The following JAZF1 variants were observed in gnomAD, a reference collection of about 807,000 sequenced individuals.
The protein encoded by JAZF1 is JAZF zinc finger 1.
In JAZF1, 8 loss-of-function variants were observed where a neutral mutation model predicts 26.4. That is an observed-to-expected ratio of 0.30 (90% CI 0.18 to 0.55). JAZF1 has a LOEUF of 0.55. Ranked by LOEUF, JAZF1 falls within the 20% of genes least tolerant of loss-of-function variation. JAZF1 has a pLI of 0.94. For missense variants in JAZF1, 199 were observed against 322.0 expected (o/e 0.62, Z 2.92); for synonymous variants, 126 against 122.3 (o/e 1.03, Z -0.20).
chr7:27,994,462 C>CAA (rs58536495), intron 1 of JAZF1, among the ~76,000 whole-genome samples: 10 of 67,658 alleles, frequency 1.5e-4, no homozygotes, highest in Non-Finnish European at 3.8e-4. Flanking sequence ...AAACAAAAAA[C>CAA]AAAAAAAAAC....
At chr7:28,027,819 AG>A (rs1404911613) in intron 1 of JAZF1, among the ~76,000 whole-genome samples, 1 of 152,228 alleles carries the variant, frequency 6.6e-6, no homozygotes, top group African/African-American at 2.4e-5. Context: ...ACCATCAAAA[AG>A]TAGCTGTGGA....
chr7:28,051,755 A>G (rs189293204), intron 1 of JAZF1, among the ~76,000 whole-genome samples: 16 of 152,352 alleles, frequency 1.1e-4, no homozygotes, highest in Non-Finnish European at 4.4e-5. Context: ...AGTGCTATAA[A>G]TAACACAGTC....
chr7:28,073,773 C>T (rs551075195), intron 1 of JAZF1, among the ~76,000 whole-genome samples: 1 of 152,186 alleles, frequency 6.6e-6, no homozygotes, highest in Admixed American at 6.5e-5. Context: ...ATGCAGAAGT[C>T]CCTGGATGTG....
intron 2 of JAZF1, among the ~76,000 whole-genome samples, chr7:27,981,374 G>A (rs2128362192): frequency 6.6e-6 from 1 of 152,282 alleles, no homozygotes; most frequent in African/African-American, 2.4e-5. Flanking sequence ...ACAAGTTATT[G>A]TCAATAAAAG....
intron 2 of JAZF1, among the ~76,000 whole-genome samples, chr7:27,972,787 T>C (rs1469361437): frequency 6.6e-6 from 1 of 152,030 alleles, no homozygotes; most frequent in Non-Finnish European, 1.5e-5. Flanking sequence ...TCTATCTCTA[T>C]TGACCTGGAA....
At chr7:28,147,224 A>C (rs1225746687) in intron 1 of JAZF1, among the ~76,000 whole-genome samples, 2 of 152,046 alleles carry the variant, frequency 1.3e-5, no homozygotes, top group African/African-American at 4.8e-5. Context: ...GAAAACCCAA[A>C]ATCCAAAATG....
intron 2 of JAZF1, among the ~76,000 whole-genome samples, chr7:27,906,408 A>T (rs1784259584): frequency 1.3e-5 from 2 of 152,216 alleles, no homozygotes; most frequent in South Asian, 4.1e-4. Flanking sequence ...TTGGCACTCA[A>T]ATGAAATCCA....
At chr7:27,851,502 A>C (rs568282911) in intron 3 of JAZF1, among the ~76,000 whole-genome samples, 15 of 152,080 alleles carry the variant, frequency 9.9e-5, no homozygotes, top group Admixed American at 2.0e-4. Context: ...AAAATTAAAA[A>C]ATTAGCTGGG....
chr7:28,043,300 C>T (rs1014559147), intron 1 of JAZF1, among the ~76,000 whole-genome samples: 4 of 152,160 alleles, frequency 2.6e-5, no homozygotes, highest in African/African-American at 9.7e-5. Context: ...TGCAAGAATG[C>T]CAACTGTTGT....
chr7:27,980,008 T>C (rs1244375562), intron 2 of JAZF1, among the ~76,000 whole-genome samples: 1 of 152,226 alleles, frequency 6.6e-6, no homozygotes, highest in Middle Eastern at 3.2e-3. Context: ...ATCTAGGACA[T>C]GGCAATTATT....
chr7:28,173,984 T>C (rs537494448), intron 1 of JAZF1, among the ~76,000 whole-genome samples: 1 of 151,596 alleles, frequency 6.6e-6, no homozygotes, highest in East Asian at 1.9e-4. Flanking sequence ...ATTAAATATA[T>C]TAAATGGAAG....
chr7:27,876,483 C>T (rs1783682879), intron 3 of JAZF1, among the ~76,000 whole-genome samples: 1 of 152,114 alleles, frequency 6.6e-6, no homozygotes, highest in African/African-American at 2.4e-5. Flanking sequence ...CCATTAACAC[C>T]ACCGTTATCA....
chr7:28,172,612 T>C (rs1053425722), intron 1 of JAZF1, among the ~76,000 whole-genome samples: 2 of 152,156 alleles, frequency 1.3e-5, no homozygotes, highest in African/African-American at 4.8e-5. Context: ...AAGAACTGAA[T>C]CCTCCACGTA....
intron 2 of JAZF1, among the ~76,000 whole-genome samples, chr7:27,933,780 G>C (rs1461374239): frequency 1.3e-5 from 2 of 152,116 alleles, no homozygotes; most frequent in Non-Finnish European, 2.9e-5. Flanking sequence ...CTGAGTTCTG[G>C]CAAGCTTGGC....
At chr7:27,865,003 T>C (rs1343711335) in intron 3 of JAZF1, among the ~76,000 whole-genome samples, 2 of 152,112 alleles carry the variant, frequency 1.3e-5, no homozygotes, top group Non-Finnish European at 2.9e-5. Flanking sequence ...GAGTAGGTTG[T>C]GAGATCAATT....
chr7:28,047,615 T>C (rs1244061645), intron 1 of JAZF1, among the ~76,000 whole-genome samples: 1 of 152,160 alleles, frequency 6.6e-6, no homozygotes, highest in African/African-American at 2.4e-5. Context: ...ACTATATATA[T>C]GGTTACTGAT....
At chr7:27,913,058 G>C (rs1583460831) in intron 2 of JAZF1, among the ~76,000 whole-genome samples, 1 of 151,990 alleles carries the variant, frequency 6.6e-6, no homozygotes, top group Non-Finnish European at 1.5e-5. Context: ...GGATATCTGG[G>C]AGCTACTTAG....
At chr7:28,133,501 T>C (rs1376487017) in intron 1 of JAZF1, among the ~76,000 whole-genome samples, 1 of 152,176 alleles carries the variant, frequency 6.6e-6, no homozygotes, top group Non-Finnish European at 1.5e-5. Flanking sequence ...ACAAATGTTC[T>C]TTTCTCTTCT....
intron 3 of JAZF1, among the ~76,000 whole-genome samples, chr7:27,858,013 A>C (rs1783303373): frequency 6.6e-6 from 1 of 152,234 alleles, no homozygotes; most frequent in Non-Finnish European, 1.5e-5. Context: ...GTCTCGGCCC[A>C]AAATCTCCTT....
Sources: allele counts gnomAD v4.1 joint callset (sites outside exome capture counted in the v4.1 genomes callset), GRCh38; gene constraint gnomAD v4.1.1; transcripts MANE v1.5; gene names NCBI Gene and HGNC (gene_info 2026-07-23, HGNC 2026-07-21).